The following FOXP2 variants were observed in gnomAD, a reference collection of about 807,000 sequenced individuals.
The protein encoded by FOXP2 is forkhead box protein P2.
In FOXP2, 12 loss-of-function variants were observed where a neutral mutation model predicts 115.8. The ratio of observed to expected loss-of-function variants is 0.10; its 90% CI spans 0.07 to 0.17. FOXP2 has a LOEUF of 0.17. FOXP2 is among the 10% of genes least tolerant of loss of function. The probability of loss-of-function intolerance (pLI) is 1.00; values close to 1 mark genes in which losing one functional copy is unlikely to be tolerated. For missense variants in FOXP2, 629 were observed against 843.5 expected (o/e 0.75, Z 3.15); for synonymous variants, 328 against 297.7 (o/e 1.10, Z -1.05).
chr7:114,473,550 C>A (rs998010609), intron 2 of FOXP2, among the ~76,000 whole-genome samples: 14 of 152,150 alleles, frequency 9.2e-5, no homozygotes, highest in African/African-American at 1.4e-4. Flanking sequence ...AGGCCCATAA[C>A]CTTAAAAAGC....
intron 2 of FOXP2, among the ~76,000 whole-genome samples, chr7:114,405,877 C>G (rs1584699367): frequency 6.6e-6 from 1 of 151,798 alleles, no homozygotes; most frequent in Admixed American, 6.6e-5. Flanking sequence ...CTTGCTCCCT[C>G]TTTTTAATCA....
intron 1 of FOXP2, among the ~76,000 whole-genome samples, chr7:114,097,680 C>T (rs1799681195): frequency 6.6e-6 from 1 of 152,192 alleles, no homozygotes; most frequent in Non-Finnish European, 1.5e-5. Context: ...CCCACTTCCA[C>T]CCCAGCCTCT....
At position 114,631,686 on chromosome 7, in the gene FOXP2, T is replaced by C. The variant is rs1402300301; in HGVS notation, c.756T>C (p.Pro252=). The C allele has an allele frequency of 6.2e-7, 1 of 1,613,980 alleles. No individual in the cohort carries two copies. Among genetic ancestry groups the C allele is most frequent in the Non-Finnish European group, 8.5e-7 (1 of 1,180,002 alleles). The change falls in exon 6 of 17, where the codon CCT becomes CCC. Residue 252 remains proline, a synonymous_variant. Transcript: ENST00000350908. ...TTCCACCTGGCCAGGCAGCACTTCC[T>C]GTCCAATCGCTGCCTCAAGGTACAT... ...ISIPPGQAAL[P]VQSLPQAGLS...
chr7:114,088,009 C>G (rs1306761561), intron 1 of FOXP2, among the ~76,000 whole-genome samples: 1 of 152,012 alleles, frequency 6.6e-6, no homozygotes, highest in Non-Finnish European at 1.5e-5. Context: ...CCGCAGAATC[C>G]GGAATCCCCA....
At chr7:114,347,126 C>A (rs1584654801) in intron 2 of FOXP2, among the ~76,000 whole-genome samples, 2 of 151,834 alleles carry the variant, frequency 1.3e-5, no homozygotes, top group African/African-American at 4.8e-5. Context: ...GCCATTTAAA[C>A]CAAGTAATAT....
intron 2 of FOXP2, among the ~76,000 whole-genome samples, chr7:114,479,372 A>G (rs956028750): frequency 2.0e-5 from 3 of 151,536 alleles, no homozygotes; most frequent in African/African-American, 7.3e-5. Flanking sequence ...TTTGATTAGA[A>G]ATGCTGTGTG....
At chr7:114,247,432 T>C (rs916306633) in intron 1 of FOXP2, among the ~76,000 whole-genome samples, 2 of 152,224 alleles carry the variant, frequency 1.3e-5, no homozygotes, top group African/African-American at 4.8e-5. Flanking sequence ...GTTTCTTTTT[T>C]TCACACACTC....
intron 2 of FOXP2, among the ~76,000 whole-genome samples, chr7:114,430,213 T>G (rs1794042925): frequency 6.6e-6 from 1 of 151,734 alleles, no homozygotes; most frequent in South Asian, 2.1e-4. Flanking sequence ...TCCTATTTGA[T>G]ACGAAAAGTA....
chr7:114,328,832 T>C (rs1285365582), intron 2 of FOXP2, among the ~76,000 whole-genome samples: 5 of 152,196 alleles, frequency 3.3e-5, no homozygotes, highest in African/African-American at 1.2e-4. Flanking sequence ...TAGCCTCATA[T>C]AGAAGAAAAT....
At chr7:114,640,240 A>C (rs1228702135) in intron 6 of FOXP2, among the ~76,000 whole-genome samples, 1 of 152,240 alleles carries the variant, frequency 6.6e-6, no homozygotes, top group Non-Finnish European at 1.5e-5. Flanking sequence ...AGCAATAATT[A>C]TAGATCTTTA....
intron 3 of FOXP2, among the ~76,000 whole-genome samples, chr7:114,627,181 T>A (rs934513124): frequency 2.0e-5 from 3 of 151,774 alleles, no homozygotes; most frequent in Non-Finnish European, 4.4e-5. Flanking sequence ...CCTCTTTTCA[T>A]TATTAATTTC....
intron 3 of FOXP2, among the ~76,000 whole-genome samples, chr7:114,590,385 A>G (rs1043089245): frequency 2.6e-5 from 4 of 152,204 alleles, no homozygotes; most frequent in Non-Finnish European, 4.4e-5. Context: ...CAGCAACTTC[A>G]TAGCCTGCTA....
intron 3 of FOXP2, among the ~76,000 whole-genome samples, chr7:114,551,970 T>C (rs1386828100): frequency 2.6e-5 from 4 of 152,164 alleles, no homozygotes; most frequent in Admixed American, 2.6e-4. Flanking sequence ...AACAAAACAA[T>C]ATGTGCTTTC....
At chr7:114,448,051 TA>T (rs1046266140) in intron 2 of FOXP2, among the ~76,000 whole-genome samples, 7 of 152,144 alleles carry the variant, frequency 4.6e-5, no homozygotes, top group African/African-American at 1.4e-4. Context: ...AAATAAATTT[TA>T]AGTGGCCAAG....
At chr7:114,331,154 G>A (rs993759683) in intron 2 of FOXP2, among the ~76,000 whole-genome samples, 1 of 152,052 alleles carries the variant, frequency 6.6e-6, no homozygotes, top group East Asian at 1.9e-4. Context: ...AATACTTTTT[G>A]ATAAATAAGA....
chr7:114,178,441 G>A (rs1239225792), intron 1 of FOXP2, among the ~76,000 whole-genome samples: 1 of 151,796 alleles, frequency 6.6e-6, no homozygotes, highest in African/African-American at 2.4e-5. Context: ...TTAAATTAAT[G>A]GATATACACA....
chr7:114,453,411 T>G (rs971034484), intron 2 of FOXP2, among the ~76,000 whole-genome samples: 2 of 152,120 alleles, frequency 1.3e-5, no homozygotes, highest in Non-Finnish European at 2.9e-5. Flanking sequence ...ACACATAATC[T>G]GGTACATTGT....
At chr7:114,251,404 T>C (rs920680068) in intron 1 of FOXP2, among the ~76,000 whole-genome samples, 2 of 152,170 alleles carry the variant, frequency 1.3e-5, no homozygotes, top group Non-Finnish European at 2.9e-5. Context: ...GCCATTTTCA[T>C]TATATTGATT....
At chr7:114,132,875 T>C (rs1791929857) in intron 1 of FOXP2, among the ~76,000 whole-genome samples, 1 of 152,164 alleles carries the variant, frequency 6.6e-6, no homozygotes, top group African/African-American at 2.4e-5. Flanking sequence ...TAGGGCCTTT[T>C]GGATTATTCT....
Sources: allele counts gnomAD v4.1 joint callset (sites outside exome capture counted in the v4.1 genomes callset), GRCh38; gene constraint gnomAD v4.1.1; transcripts MANE v1.5; gene names NCBI Gene and HGNC (gene_info 2026-07-23, HGNC 2026-07-21).